Variants in DDAH1 observed in about 807,000 individuals in gnomAD.
DDAH1 encodes the protein N(G),N(G)-dimethylarginine dimethylaminohydrolase 1.
Under a neutral mutation model 28.8 loss-of-function variants are expected in DDAH1, and 19 were observed. That is an observed-to-expected ratio of 0.66 (90% confidence interval 0.46 to 0.97). The LOEUF (loss-of-function observed/expected upper bound fraction) is 0.97. Ranked by LOEUF, DDAH1 falls within the 50% of genes least tolerant of loss-of-function variation. DDAH1 has a pLI of 0.00. For synonymous variants in DDAH1, 153 were observed against 154.4 expected (o/e 0.99, Z 0.07); for missense variants, 326 against 375.9 (o/e 0.87, Z 1.10).
intron 1 of DDAH1, among the ~76,000 whole-genome samples, chr1:85,570,753 C>T (rs982557377): frequency 1.3e-5 from 2 of 152,318 alleles, no homozygotes; most frequent in African/African-American, 4.8e-5. Flanking sequence ...ATCCCATTCA[C>T]TTTAATCTGT....
At chr1:85,416,565 T>TA (rs1181580397) in intron 1 of DDAH1, among the ~76,000 whole-genome samples, 5 of 152,344 alleles carry the variant, frequency 3.3e-5, no homozygotes, top group Admixed American at 2.6e-4. Context: ...TTCCCAAAGA[T>TA]AGTTATTTTA....
chr1:85,330,286 A>C (rs765819479), intron 4 of DDAH1, among the ~76,000 whole-genome samples: 5 of 152,218 alleles, frequency 3.3e-5, no homozygotes, highest in Non-Finnish European at 5.9e-5. Context: ...AGGACTGAGC[A>C]ACAGTGAGGC....
At chr1:85,525,314 C>G (rs1316541408) in intron 1 of DDAH1, among the ~76,000 whole-genome samples, 1 of 151,972 alleles carries the variant, frequency 6.6e-6, no homozygotes, top group Non-Finnish European at 1.5e-5. Context: ...GCATATGTAT[C>G]TACATATTCT....
Position 85,368,066 on chromosome 1 carries a change from A to AT in DDAH1, c.304-9220dup, listed in dbSNP as rs1404672492. ...ATACAGAAACAACTATTAATGGAGGATTTTTTTCTGTTTATAGGAATGCAC... is the reference window on the plus strand; with the variant it reads ...ATACAGAAACAACTATTAATGGAGGATTTTTTTTCTGTTTATAGGAATGCAC... On this transcript the variant is annotated intron_variant, in intron 1 of 5. Coordinates refer to ENST00000284031, the MANE Select transcript of DDAH1 (RefSeq NM_012137.4). 5.3e-5 allele frequency among the ~76,000 whole-genome samples: 8 copies of AT among 152,074 alleles called. 1 individual carries two copies. Among genetic ancestry groups the AT allele is most frequent in the African/African-American group, 1.9e-4 (8 of 41,418 alleles).
At chr1:85,384,139 T>C (rs1651134848) in intron 1 of DDAH1, among the ~76,000 whole-genome samples, 1 of 152,230 alleles carries the variant, frequency 6.6e-6, no homozygotes, top group African/African-American at 2.4e-5. Flanking sequence ...AGGTCTCTCC[T>C]TTCTGGCTTT....
At chr1:85,454,645 T>A (rs1299736637) in intron 1 of DDAH1, among the ~76,000 whole-genome samples, 1 of 152,230 alleles carries the variant, frequency 6.6e-6, no homozygotes, top group Non-Finnish European at 1.5e-5. Flanking sequence ...ACAAGTTTTA[T>A]GAAACAATAC....
chr1:85,405,684 T>C (rs1332994802), intron 1 of DDAH1, among the ~76,000 whole-genome samples: 1 of 151,590 alleles, frequency 6.6e-6, no homozygotes, highest in Admixed American at 6.6e-5. Flanking sequence ...GGAGATAGCA[T>C]GTTGGAATAC....
chr1:85,525,796 C>A (rs1657850798), intron 1 of DDAH1, among the ~76,000 whole-genome samples: 1 of 152,070 alleles, frequency 6.6e-6, no homozygotes, highest in African/African-American at 2.4e-5. Flanking sequence ...CGGGTGAGCT[C>A]ACAGGTTAAC....
intron 1 of DDAH1, among the ~76,000 whole-genome samples, chr1:85,366,846 CTTATA>C (rs1275114548): frequency 1.3e-5 from 2 of 152,200 alleles, no homozygotes; most frequent in African/African-American, 4.8e-5. Flanking sequence ...ACTTATGATA[CTTATA>C]TTTTATTTTT....
At chr1:85,397,500 G>C (rs1263672117) in intron 1 of DDAH1, among the ~76,000 whole-genome samples, 1 of 152,032 alleles carries the variant, frequency 6.6e-6, no homozygotes, top group African/African-American at 2.4e-5. Flanking sequence ...AACATTGCTG[G>C]TTCTCTTAAT....
At position 85,524,375 on chromosome 1, in the gene DDAH1, TA is replaced by T. The variant is rs1363315148; in HGVS notation, c.-122-28095del. On this transcript the variant is annotated intron_variant, in intron 1 of 6. Coordinates refer to the DDAH1 transcript ENST00000426972. ...AAGTGGAGGCGTTTGAATAGGACCT[TA>T]AAAAAAACACTACTTCTGGAGCATT... Among the ~76,000 whole-genome samples the T allele has an allele frequency of 1.6e-4, 23 of 147,804 alleles. 1 individual carries two copies. The highest frequency in any genetic ancestry group is 4.7e-4 in the African/African-American group (19 of 40,040).
chr1:85,558,611 C>T (rs1659051766), intron 1 of DDAH1, among the ~76,000 whole-genome samples: 2 of 152,026 alleles, frequency 1.3e-5, no homozygotes, highest in South Asian at 4.2e-4. Context: ...TTTTCATGTT[C>T]TGAGTAAAGC....
upstream of DDAH1, among the ~76,000 whole-genome samples, chr1:85,466,832 CTTTTT>C (rs10675813): frequency 1.8e-3 from 128 of 70,720 alleles, 2 homozygotes; most frequent in Middle Eastern, 0.015. Flanking sequence ...ATTATTTATT[CTTTTT>C]TTTTTTTTTT....
At chr1:85,416,827 C>A (rs1042647987) in intron 1 of DDAH1, among the ~76,000 whole-genome samples, 1 of 152,058 alleles carries the variant, frequency 6.6e-6, no homozygotes, top group Non-Finnish European at 1.5e-5. Flanking sequence ...ATCACTACAT[C>A]CAGCTAATTT....
intron 1 of DDAH1, among the ~76,000 whole-genome samples, chr1:85,568,316 T>C (rs1659361422): frequency 6.6e-6 from 1 of 152,150 alleles, no homozygotes; most frequent in Non-Finnish European, 1.5e-5. Context: ...TAAAGACAGA[T>C]GGCATATCAT....
intron 1 of DDAH1, among the ~76,000 whole-genome samples, chr1:85,387,056 G>A (rs1004185896): frequency 2.0e-5 from 3 of 152,130 alleles, no homozygotes; most frequent in African/African-American, 7.2e-5. Context: ...TGACCTCCTA[G>A]GTCTCTGGGT....
intron 1 of DDAH1, among the ~76,000 whole-genome samples, chr1:85,568,425 T>A (rs545872640): frequency 6.6e-6 from 1 of 152,300 alleles, no homozygotes; most frequent in African/African-American, 2.4e-5. Flanking sequence ...TCTCCCTTCT[T>A]ATCCACTGTG....
At position 85,451,703 on chromosome 1, in the gene DDAH1, G is replaced by T. The variant is rs139005384; in HGVS notation, c.303+13040C>A. ...CCTGGGTTGAGTGAGAGGTATGCAT[G>T]CTAGAGGGGTGATGAAGACTGAATC... On this transcript the variant is annotated intron_variant, in intron 1 of 5. Transcript: ENST00000284031. Among the ~76,000 whole-genome samples the T allele has an allele frequency of 3.4e-4, 52 of 152,302 alleles. 1 individual carries two copies. The Middle Eastern group carries it at 0.01, about 30-fold the overall frequency.
intron 1 of DDAH1, among the ~76,000 whole-genome samples, chr1:85,416,550 T>C (rs533922727): frequency 3.0e-4 from 46 of 152,346 alleles, no homozygotes; most frequent in Non-Finnish European, 4.3e-4. Flanking sequence ...ATAAAGTTCA[T>C]AATATTCCCA....
Sources: allele counts gnomAD v4.1 joint callset (sites outside exome capture counted in the v4.1 genomes callset), GRCh38; gene constraint gnomAD v4.1.1; transcripts MANE v1.5; gene names NCBI Gene and HGNC (gene_info 2026-07-23, HGNC 2026-07-21).